The following SMAP1 variants were observed in gnomAD, a reference collection of about 807,000 sequenced individuals.
SMAP1 encodes stromal membrane-associated protein 1.
A neutral mutation model predicts 58.5 loss-of-function variants in SMAP1; 24 were observed. The ratio of observed to expected loss-of-function variants is 0.41; its 90% CI spans 0.30 to 0.58. The LOEUF (loss-of-function observed/expected upper bound fraction) is 0.58. Among genes scored for constraint, SMAP1 ranks in the 20% least tolerant of loss-of-function variants. The pLI is 0.29. For synonymous variants in SMAP1, 216 were observed against 196.6 expected (o/e 1.10, Z -0.82); for missense variants, 563 against 566.3 (o/e 0.99, Z 0.06).
At chr6:70,766,780 G>A (rs1485476918) in intron 3 of SMAP1, among the ~76,000 whole-genome samples, 2 of 152,154 alleles carry the variant, frequency 1.3e-5, no homozygotes, top group African/African-American at 4.8e-5. Context: ...TTTGTCTTTT[G>A]TTGCCATTGC....
chr6:70,835,354 G>A (rs1212278875), intron 6 of SMAP1, among the ~76,000 whole-genome samples: 4 of 151,838 alleles, frequency 2.6e-5, no homozygotes, highest in Non-Finnish European at 5.9e-5. Context: ...AACAAATAAG[G>A]GTAGATATGT....
At chr6:70,727,342 T>C (rs1419730382) in intron 1 of SMAP1, among the ~76,000 whole-genome samples, 101 of 152,168 alleles carry the variant, frequency 6.6e-4, no homozygotes, top group Non-Finnish European at 1.8e-4. Flanking sequence ...TTCCTGGCCT[T>C]AAGTTATCTG....
intron 1 of SMAP1, among the ~76,000 whole-genome samples, chr6:70,682,170 ATTTTTTTTTTTTTTTTTTTTT>A (rs66981900): frequency 1.0e-5 from 1 of 95,920 alleles, no homozygotes. Context: ...CTCTGCACAG[ATTTTTTTTTTTTTTTTTTTTT>A]TTTTTTTTTT....
At chr6:70,767,227 C>A (rs1051276550) in intron 3 of SMAP1, among the ~76,000 whole-genome samples, 1 of 151,476 alleles carries the variant, frequency 6.6e-6, no homozygotes, top group East Asian at 1.9e-4. Context: ...CTTGGCGATG[C>A]GGGCTCTTTT....
chr6:70,809,857 G>A (rs753138459), intron 6 of SMAP1, among the ~76,000 whole-genome samples: 1 of 151,950 alleles, frequency 6.6e-6, no homozygotes, highest in Non-Finnish European at 1.5e-5. Context: ...ATGATCTTTT[G>A]TTTATAGATT....
At chr6:70,708,478 G>A (rs533820099) in intron 1 of SMAP1, among the ~76,000 whole-genome samples, 66 of 152,120 alleles carry the variant, frequency 4.3e-4, no homozygotes, top group African/African-American at 1.5e-3. Flanking sequence ...TTTCCTTTAG[G>A]GAAATCAGAG....
chr6:70,675,482 C>T (rs931466394), intron 1 of SMAP1, among the ~76,000 whole-genome samples: 3 of 151,668 alleles, frequency 2.0e-5, no homozygotes, highest in African/African-American at 7.3e-5. Flanking sequence ...GAAACCCCAT[C>T]TCTATTAAAA....
rs180766637 is a variant in SMAP1 at position 70,770,474 on chromosome 6, C to T, written c.339-2876C>T. 2.4e-3 allele frequency among the ~76,000 whole-genome samples: 369 copies of T among 152,272 alleles called. 1 individual carries two copies. The highest frequency in any genetic ancestry group is 8.2e-3 in the African/African-American group (341 of 41,554). On this transcript the variant is annotated intron_variant, in intron 3 of 10. Transcript: ENST00000370455. ...TTTTTATTCTTTTTTCTCTAAACTT[C>T]CCTTCTCGCTTCATTTCATTCATTT... is the stretch of plus-strand genomic sequence containing the variant.
At chr6:70,818,267 A>G (rs997910160) in intron 6 of SMAP1, among the ~76,000 whole-genome samples, 3 of 151,678 alleles carry the variant, frequency 2.0e-5, no homozygotes. Flanking sequence ...TTAGCTGGGC[A>G]TGGTGGCAGG....
chr6:70,761,150 A>C (rs1421946066), intron 3 of SMAP1, among the ~76,000 whole-genome samples: 1 of 152,012 alleles, frequency 6.6e-6, no homozygotes, highest in Non-Finnish European at 1.5e-5. Flanking sequence ...AAAAGAAAAA[A>C]ATCTTAAAAT....
intron 4 of SMAP1, among the ~76,000 whole-genome samples, chr6:70,788,422 C>T (rs1438853588): frequency 2.0e-5 from 3 of 151,304 alleles, no homozygotes; most frequent in African/African-American, 4.9e-5. Flanking sequence ...GCACATTGTG[C>T]GCATGTACCC....
intron 4 of SMAP1, among the ~76,000 whole-genome samples, chr6:70,785,256 G>A (rs1188096486): frequency 2.0e-5 from 3 of 152,066 alleles, no homozygotes; most frequent in South Asian, 2.1e-4. Context: ...TGAAACCAAC[G>A]AGAACAAAGA....
intron 1 of SMAP1, among the ~76,000 whole-genome samples, chr6:70,692,869 C>T (rs904441953): frequency 2.0e-4 from 30 of 151,984 alleles, no homozygotes; most frequent in Admixed American, 2.6e-4. Flanking sequence ...CTGCAATCTC[C>T]GCCTCCCAGG....
At chr6:70,768,015 G>A (rs1269538583) in intron 3 of SMAP1, among the ~76,000 whole-genome samples, 1 of 150,970 alleles carries the variant, frequency 6.6e-6, no homozygotes, top group Non-Finnish European at 1.5e-5. Flanking sequence ...TAATCATGTG[G>A]TTTTTGTCTT....
chr6:70,712,794 T>TTC (rs1376843779), intron 1 of SMAP1, among the ~76,000 whole-genome samples: 8 of 144,228 alleles, frequency 5.5e-5, no homozygotes, highest in African/African-American at 1.7e-4. Flanking sequence ...CTTTTTTTCT[T>TTC]TTCTTTTTTT....
At chr6:70,670,668 A>G (rs1766225978) in intron 1 of SMAP1, among the ~76,000 whole-genome samples, 2 of 152,238 alleles carry the variant, frequency 1.3e-5, no homozygotes, top group Non-Finnish European at 2.9e-5. Context: ...AGTAAATTGC[A>G]TCAAACTTTT....
intron 6 of SMAP1, among the ~76,000 whole-genome samples, chr6:70,813,939 C>T (rs1437206722): frequency 6.6e-6 from 1 of 152,030 alleles, no homozygotes; most frequent in Non-Finnish European, 1.5e-5. Context: ...TCTGTTTAAT[C>T]CTTAATTCAT....
At chr6:70,770,766 G>C (rs1312886871) in intron 3 of SMAP1, among the ~76,000 whole-genome samples, 1 of 152,190 alleles carries the variant, frequency 6.6e-6, no homozygotes, top group African/African-American at 2.4e-5. Context: ...GTCATTCTCT[G>C]TCCACCATTG....
chr6:70,772,032 T>C (rs1394256704), intron 3 of SMAP1, among the ~76,000 whole-genome samples: 1 of 152,174 alleles, frequency 6.6e-6, no homozygotes, highest in Non-Finnish European at 1.5e-5. Context: ...AGGGTGCACT[T>C]ACATACACCC....
Sources: gnomAD v4.1 joint callset for allele counts (sites outside exome capture counted in the v4.1 genomes callset) on GRCh38, gnomAD v4.1.1 for gene constraint, MANE v1.5 for transcripts, NCBI Gene and HGNC (gene_info 2026-07-23, HGNC 2026-07-21) for gene names.